FOXP1: variants seen among roughly 807,000 people sequenced by gnomAD.
The protein encoded by FOXP1 is forkhead box protein P1.
FOXP1 carries 15 observed loss-of-function variants against 98.2 expected under a neutral mutation model. That is an observed-to-expected ratio of 0.15 (90% CI 0.10 to 0.24). FOXP1 has a LOEUF of 0.24. Ranked by LOEUF, FOXP1 falls within the 10% of genes least tolerant of loss-of-function variation. The pLI is 1.00. For missense variants in FOXP1, 633 were observed against 848.5 expected (o/e 0.75, Z 3.15); for synonymous variants, 371 against 314.5 (o/e 1.18, Z -1.90).
At chr3:71,061,748 C>G (rs750217995) in intron 7 of FOXP1, among the ~76,000 whole-genome samples, 3 of 152,172 alleles carry the variant, frequency 2.0e-5, no homozygotes, top group Non-Finnish European at 4.4e-5. Context: ...TTACCAAGAA[C>G]ATGGTTTTCA....
intron 3 of FOXP1, among the ~76,000 whole-genome samples, chr3:71,363,388 G>A (rs903668314): frequency 6.6e-5 from 10 of 152,160 alleles, no homozygotes; most frequent in Non-Finnish European, 1.5e-4. Flanking sequence ...AAATGTCACT[G>A]CATGCAACAT....
chr3:71,583,384 G>A (rs770026869), intron 1 of FOXP1, 187 bp downstream of exon 1: 1 of 861,334 alleles, frequency 1.2e-6, no homozygotes, highest in East Asian at 1.2e-4. Context: ...AGAGGGGAGG[G>A]CTGGGGGAGA....
chr3:71,498,827 G>A (rs1457228653), intron 2 of FOXP1, among the ~76,000 whole-genome samples: 1 of 152,148 alleles, frequency 6.6e-6, no homozygotes, highest in Admixed American at 6.5e-5. Context: ...CCAAGACGGG[G>A]CCTGAGAATT....
chr3:71,371,338 G>C (rs548052636), intron 3 of FOXP1, among the ~76,000 whole-genome samples: 1 of 152,074 alleles, frequency 6.6e-6, no homozygotes, highest in African/African-American at 2.4e-5. Context: ...AGGATTCCAT[G>C]CTCAACCTCA....
intron 5 of FOXP1, 40 bp from the exon 6 acceptor site, chr3:71,198,432 G>GCCCCCCCCCCCCC: frequency 2.0e-6 from 1 of 491,034 alleles, no homozygotes; most frequent in East Asian, 5.7e-5. Context: ...GGGAGGGGGG[G>GCCCCCCCCCCCCC]AGAAAAAAAA....
chr3:71,498,751 G>C (rs1465004568), intron 2 of FOXP1, among the ~76,000 whole-genome samples: 1 of 152,138 alleles, frequency 6.6e-6, no homozygotes, highest in Non-Finnish European at 1.5e-5. Flanking sequence ...CAAGCACCAG[G>C]ATCTCCAGGG....
intron 6 of FOXP1, among the ~76,000 whole-genome samples, chr3:71,197,335 T>C (rs1342175430): frequency 1.3e-5 from 2 of 152,226 alleles, no homozygotes; most frequent in Non-Finnish European, 2.9e-5. Flanking sequence ...TAATATTTCC[T>C]GATTCCGAGG....
intron 3 of FOXP1, among the ~76,000 whole-genome samples, chr3:71,413,288 A>ACACACACACACACC (rs1261716854): frequency 8.3e-4 from 120 of 144,566 alleles, no homozygotes; most frequent in Admixed American, 1.6e-3. Flanking sequence ...ACACACACAC[A>ACACACACACACACC]CACCCAAAAC....
rs544916383 is a variant in FOXP1 at position 70,979,279 on chromosome 3, C to CAAA, written c.1147-1253_1147-1251dup. ...TGGGTGATAGAGTGAGACTCTACCT[C>CAAA]AAAAAAAAAAAAAAAAAAAAAAAAA... is the stretch of plus-strand genomic sequence containing the variant. On this transcript the variant is annotated intron_variant, in intron 14 of 20. Coordinates refer to ENST00000649528, the MANE Select transcript of FOXP1 (RefSeq NM_001349338.3). Among the ~76,000 whole-genome samples the CAAA allele has an allele frequency of 5.2e-3, 220 of 42,516 alleles. 12 individuals carry two copies. Among genetic ancestry groups the CAAA allele is most frequent in the Non-Finnish European group, 6.3e-3 (169 of 26,810 alleles). 27.9% of individuals were successfully genotyped at this position (42,516 alleles called of 152,430 possible).
At chr3:71,041,653 C>T in intron 10 of FOXP1, 121 bp from the exon 11 acceptor site, 2 of 960,466 alleles carry the variant, frequency 2.1e-6, no homozygotes, top group Non-Finnish European at 3.2e-6. Context: ...TCGGTGTGTG[C>T]AGTTTTTTTT....
intron 7 of FOXP1, among the ~76,000 whole-genome samples, chr3:71,075,587 T>C (rs2053717736): frequency 6.6e-6 from 1 of 152,166 alleles, no homozygotes; most frequent in African/African-American, 2.4e-5. Flanking sequence ...AGAGGCAAAA[T>C]AGCAGTCCCA....
At chr3:71,128,450 A>G (rs1483670052) in intron 6 of FOXP1, among the ~76,000 whole-genome samples, 1 of 152,150 alleles carries the variant, frequency 6.6e-6, no homozygotes, top group African/African-American at 2.4e-5. Context: ...ACTAGAAGGT[A>G]TTTCTGAGGG....
intron 9 of FOXP1, 147 bp from the exon 10 acceptor site, chr3:71,047,242 AC>A: frequency 1.1e-6 from 1 of 890,388 alleles, no homozygotes; most frequent in Non-Finnish European, 1.8e-6. Flanking sequence ...TTTAAAAGGG[AC>A]AAAGCATACC....
chr3:71,102,397 TC>T (rs2107673729), intron 7 of FOXP1, among the ~76,000 whole-genome samples: 1 of 152,332 alleles, frequency 6.6e-6, no homozygotes, highest in South Asian at 2.1e-4. Context: ...AATAGTTTGC[TC>T]ATGATATCAC....
intron 4 of FOXP1, among the ~76,000 whole-genome samples, chr3:71,356,425 C>A (rs1319068833): frequency 1.3e-5 from 2 of 151,934 alleles, no homozygotes; most frequent in African/African-American, 4.8e-5. Flanking sequence ...CAATGGACTG[C>A]GAAACATGCG....
chr3:71,572,288 T>C (rs2047396261), intron 2 of FOXP1: 1 of 152,170 alleles, frequency 6.6e-6, no homozygotes, highest in Admixed American at 6.5e-5. Flanking sequence ...GTTTTAAAGT[T>C]TTTTCCCCCA....
chr3:71,518,974 G>T (rs140471572), intron 2 of FOXP1, among the ~76,000 whole-genome samples: 1 of 152,348 alleles, frequency 6.6e-6, no homozygotes, highest in East Asian at 1.9e-4. Context: ...GGCCAGGTGC[G>T]GTGGCTCACG....
At chr3:71,001,790 G>C (rs1245210286) in intron 12 of FOXP1, among the ~76,000 whole-genome samples, 1 of 152,148 alleles carries the variant, frequency 6.6e-6, no homozygotes, top group African/African-American at 2.4e-5. Flanking sequence ...ATCAGTTTTA[G>C]CATACGCAGG....
intron 5 of FOXP1, among the ~76,000 whole-genome samples, chr3:71,212,802 A>C (rs1001076354): frequency 6.6e-6 from 1 of 152,104 alleles, no homozygotes; most frequent in Non-Finnish European, 1.5e-5. Flanking sequence ...CTAAGAGCTC[A>C]TTTTGCCTTA....
Sources: gnomAD v4.1 joint callset for allele counts (sites outside exome capture counted in the v4.1 genomes callset) on GRCh38, gnomAD v4.1.1 for gene constraint, MANE v1.5 for transcripts, NCBI Gene and HGNC (gene_info 2026-07-23, HGNC 2026-07-21) for gene names.